Variants in SLC6A17 observed in about 807,000 individuals in gnomAD.
SLC6A17 encodes sodium-dependent neutral amino acid transporter SLC6A17.
In SLC6A17, 21 loss-of-function variants were observed where a neutral mutation model predicts 64.5. The observed-to-expected ratio is 0.33, with a 90% CI of 0.23 to 0.47. The LOEUF (loss-of-function observed/expected upper bound fraction) is 0.47, where lower values mean the gene tolerates loss of function less well. SLC6A17 is among the 20% of genes least tolerant of loss of function. The pLI is 1.00. For missense variants in SLC6A17, 682 were observed against 963.2 expected (o/e 0.71, Z 3.86); for synonymous variants, 372 against 399.5 (o/e 0.93, Z 0.82).
intron 1 of SLC6A17, among the ~76,000 whole-genome samples, chr1:110,165,767 C>T (rs1366711204): frequency 6.6e-6 from 1 of 152,108 alleles, no homozygotes; most frequent in Admixed American, 6.5e-5. Flanking sequence ...AAACGGAGCC[C>T]AGCTTCCAGA....
rs536628824 is a variant in SLC6A17 at position 110,153,388 on chromosome 1, C to T, written c.-88+2505C>T. On this transcript the variant is annotated intron_variant, in intron 1 of 11. Coordinates refer to ENST00000331565, the MANE Select transcript of SLC6A17 (RefSeq NM_001010898.4). ...AGGACCCTGGGCCCCTAGTTTTCTC[C>T]GTCTATAAAATGTCCAGATTTGGTG... 7.2e-5 allele frequency among the ~76,000 whole-genome samples: 11 copies of T among 152,142 alleles called. No homozygotes were observed. In the South Asian group the frequency reaches 2.1e-3, roughly 29 times the overall value.
At chr1:110,180,343 C>T (rs923015184) in intron 6 of SLC6A17, among the ~76,000 whole-genome samples, 1 of 152,186 alleles carries the variant, frequency 6.6e-6, no homozygotes, top group Non-Finnish European at 1.5e-5. Flanking sequence ...TAAAAACAAA[C>T]CCACATTTTG....
rs138255797 is a variant in SLC6A17 at position 110,152,082 on chromosome 1, G to C, written c.-88+1199G>C. Among the ~76,000 whole-genome samples the C allele has an allele frequency of 7.0e-3, 1,072 of 152,298 alleles. 19 individuals are homozygous for C. The highest frequency in any genetic ancestry group is 0.024 in the African/African-American group (1,002 of 41,544). On this transcript the variant is annotated intron_variant, in intron 1 of 11. Transcript: ENST00000331565. ...ACGCTCACTGATGTCTGGAGAACAA[G>C]GTCAGAGTGTGTTGAGGTTAACAGT...
intron 2 of SLC6A17, among the ~76,000 whole-genome samples, chr1:110,168,588 T>C (rs1270699591): frequency 6.6e-6 from 1 of 152,252 alleles, no homozygotes; most frequent in Non-Finnish European, 1.5e-5. Context: ...TGAGTTGATG[T>C]AAGACTAGCC....
At chr1:110,156,909 A>G (rs1427195679) in intron 1 of SLC6A17, among the ~76,000 whole-genome samples, 1 of 152,174 alleles carries the variant, frequency 6.6e-6, no homozygotes, top group Admixed American at 6.5e-5. Context: ...GTCTCTTTCT[A>G]AGACAACAGA....
chr1:110,159,393 C>T (rs1025415854), intron 1 of SLC6A17, among the ~76,000 whole-genome samples: 1 of 152,204 alleles, frequency 6.6e-6, no homozygotes. Context: ...TTTTTCAGTG[C>T]CAGTTCCTCC....
intron 6 of SLC6A17, among the ~76,000 whole-genome samples, 160 bp from the exon 7 acceptor site, chr1:110,191,812 G>T (rs766157962): frequency 3.3e-5 from 5 of 152,200 alleles, no homozygotes; most frequent in Admixed American, 6.5e-5. Context: ...GGAAACTGAG[G>T]CTCAGAGGAG....
chr1:110,180,255 A>C (rs1557836591), intron 6 of SLC6A17, among the ~76,000 whole-genome samples: 1 of 152,210 alleles, frequency 6.6e-6, no homozygotes, highest in Non-Finnish European at 1.5e-5. Flanking sequence ...AGGTGGCAAG[A>C]GTGGAGGGTT....
intron 1 of SLC6A17, among the ~76,000 whole-genome samples, chr1:110,154,247 G>A (rs1406086397): frequency 6.6e-6 from 1 of 152,210 alleles, no homozygotes; most frequent in South Asian, 2.1e-4. Context: ...AAAATTTAAG[G>A]TTCAGAGAGG....
At chr1:110,161,862 G>A (rs984266551) in intron 1 of SLC6A17, among the ~76,000 whole-genome samples, 5 of 152,170 alleles carry the variant, frequency 3.3e-5, no homozygotes, top group African/African-American at 4.8e-5. Context: ...GCTTATTGCC[G>A]GATGCTGTGC....
At chr1:110,167,834 G>T (rs1240141778) in intron 2 of SLC6A17, among the ~76,000 whole-genome samples, 1 of 152,134 alleles carries the variant, frequency 6.6e-6, no homozygotes, top group African/African-American at 2.4e-5. Flanking sequence ...GCACAAATTG[G>T]TTAGATAACT....
chr1:110,156,808 T>G (rs1221541361), intron 1 of SLC6A17, among the ~76,000 whole-genome samples: 1 of 152,190 alleles, frequency 6.6e-6, no homozygotes, highest in African/African-American at 2.4e-5. Context: ...ATGTTGGGAC[T>G]GTAATTAAGG....
At chr1:110,193,245 G>GC (rs1167146610) in intron 8 of SLC6A17, among the ~76,000 whole-genome samples, 1 of 152,186 alleles carries the variant, frequency 6.6e-6, no homozygotes, top group Non-Finnish European at 1.5e-5. Flanking sequence ...TGGGTCCAGA[G>GC]CCCATGCTCA....
intron 1 of SLC6A17, chr1:110,166,260 G>T (rs1398112883): frequency 6.6e-6 from 1 of 151,526 alleles, no homozygotes; most frequent in African/African-American, 2.4e-5. Context: ...GTGTCCAGGG[G>T]CCCCCTGGTG....
At chr1:110,172,022 T>C in intron 2 of SLC6A17, 38 bp from the exon 3 acceptor site, 1 of 1,608,730 alleles carries the variant, frequency 6.2e-7, no homozygotes. Context: ...GCTGCTGTGC[T>C]CCAGAGCCCC....
chr1:110,188,125 G>T (rs1241710425), intron 6 of SLC6A17, among the ~76,000 whole-genome samples: 2 of 152,160 alleles, frequency 1.3e-5, no homozygotes, highest in African/African-American at 4.8e-5. Flanking sequence ...TTTGATTACA[G>T]GGTGCTGCCC....
chr1:110,198,044 C>T lies in SLC6A17; in HGVS notation c.1816-32C>T, dbSNP rs199584571. On this transcript the variant is annotated intron_variant, in intron 11 of 11. Coordinates refer to ENST00000331565, the MANE Select transcript of SLC6A17 (RefSeq NM_001010898.4). ...TGGGCGGGGAGGGCTGTCACAGTGCCGGCAGCAGCCCTTAAGGCAGCCCAC... is the reference window on the plus strand; with the variant it reads ...TGGGCGGGGAGGGCTGTCACAGTGCTGGCAGCAGCCCTTAAGGCAGCCCAC... The T allele has an allele frequency of 2.1e-3, 3,306 of 1,578,262 alleles. 3 individuals are homozygous for T. Among genetic ancestry groups the T allele is most frequent in the Non-Finnish European group, 2.6e-3 (2,978 of 1,162,952 alleles).
intron 1 of SLC6A17, among the ~76,000 whole-genome samples, chr1:110,156,434 G>A (rs1011756565): frequency 2.0e-5 from 3 of 152,074 alleles, no homozygotes; most frequent in Admixed American, 6.6e-5. Context: ...GCATGGTGGC[G>A]CCTCCTCCGT....
At chr1:110,177,172 T>A (rs920998414) in intron 6 of SLC6A17, among the ~76,000 whole-genome samples, 7 of 152,202 alleles carry the variant, frequency 4.6e-5, no homozygotes, top group African/African-American at 1.7e-4. Context: ...TTTCATTGTG[T>A]GGCAGCAGGA....
Sources: gnomAD v4.1 joint callset for allele counts (sites outside exome capture counted in the v4.1 genomes callset) on GRCh38, gnomAD v4.1.1 for gene constraint, MANE v1.5 for transcripts, NCBI Gene and HGNC (gene_info 2026-07-23, HGNC 2026-07-21) for gene names.